Variants in TNIK observed in about 807,000 individuals in gnomAD.
TNIK encodes TRAF2 and NCK interacting kinase.
Under a neutral mutation model 191.3 loss-of-function variants are expected in TNIK, and 49 were observed. The ratio of observed to expected loss-of-function variants is 0.26; its 90% confidence interval spans 0.20 to 0.32. The LOEUF is 0.32. Among genes scored for constraint, TNIK ranks in the 10% least tolerant of loss-of-function variants. The probability of loss-of-function intolerance (pLI) is 1.00; values close to 1 mark genes in which losing one functional copy is unlikely to be tolerated. For missense variants in TNIK, 1,155 were observed against 1,702.3 expected (o/e 0.68, Z 5.66); for synonymous variants, 594 against 600.9 (o/e 0.99, Z 0.17).
intron 2 of TNIK, among the ~76,000 whole-genome samples, chr3:171,367,342 G>A (rs1194014000): frequency 6.6e-6 from 1 of 152,076 alleles, no homozygotes; most frequent in Non-Finnish European, 1.5e-5. Context: ...GTGGCCTCAG[G>A]AAACACAGGG....
chr3:171,404,147 T>C (rs1721354609), intron 1 of TNIK, among the ~76,000 whole-genome samples: 1 of 152,222 alleles, frequency 6.6e-6, no homozygotes. Context: ...ATCAGATGTA[T>C]TAACAAGTTG....
chr3:171,157,382 G>T (rs1733333102), intron 12 of TNIK, 78 bp downstream of exon 12: 5 of 1,501,344 alleles, frequency 3.3e-6, no homozygotes, highest in South Asian at 1.3e-5. Context: ...CAGGTGGGAT[G>T]TGGGCCCCCA....
At position 171,322,687 on chromosome 3, in the gene TNIK, A is replaced by G. The variant is rs139982199; in HGVS notation, c.123+46933T>C. On this transcript the variant is annotated intron_variant, in intron 2 of 32. Coordinates refer to ENST00000436636, the MANE Select transcript of TNIK (RefSeq NM_015028.4). The stretch of plus-strand genomic sequence containing the variant: ...ACAGAAAAACACAAAATGGTGTAAA[A>G]ATAAGCCACTAAGAAAAGGCTCTAT... Among the ~76,000 whole-genome samples, 492 of 152,288 alleles carry G rather than the reference A, an allele frequency of 3.2e-3. 2 individuals are homozygous for G. Among genetic ancestry groups the G allele is most frequent in the African/African-American group, 0.011 (472 of 41,552 alleles).
intron 26 of TNIK, 135 bp from the exon 27 acceptor site, chr3:171,082,529 G>A (rs1168757039): frequency 4.3e-6 from 4 of 933,108 alleles, no homozygotes; most frequent in Non-Finnish European, 6.2e-6. Flanking sequence ...ATAAACTAAT[G>A]AATGTAGAAG....
At chr3:171,100,852 A>G (rs1723426133) in intron 22 of TNIK, among the ~76,000 whole-genome samples, 1 of 152,150 alleles carries the variant, frequency 6.6e-6, no homozygotes. Context: ...GACTGACAGT[A>G]TGTGGCAAAG....
At chr3:171,459,007 G>A (rs1729089056) in intron 1 of TNIK, among the ~76,000 whole-genome samples, 1 of 152,150 alleles carries the variant, frequency 6.6e-6, no homozygotes, top group Non-Finnish European at 1.5e-5. Context: ...TGTTGGGATC[G>A]GGAGTTGGGG....
intron 3 of TNIK, among the ~76,000 whole-genome samples, chr3:171,222,491 A>G (rs1459280224): frequency 6.6e-6 from 1 of 152,158 alleles, no homozygotes; most frequent in East Asian, 1.9e-4. Flanking sequence ...CATTATTATT[A>G]TTAACAATAT....
intron 1 of TNIK, among the ~76,000 whole-genome samples, chr3:171,404,737 G>A (rs79155796): frequency 6.6e-6 from 1 of 152,144 alleles, no homozygotes; most frequent in South Asian, 2.1e-4. Context: ...TTCACAGATA[G>A]GGAGTCTAAA....
intron 7 of TNIK, among the ~76,000 whole-genome samples, chr3:171,187,887 G>A (rs1737561245): frequency 1.3e-5 from 2 of 152,078 alleles, no homozygotes; most frequent in South Asian, 4.2e-4. Context: ...AAGACCACAG[G>A]GTGTCTCTCT....
chr3:171,345,139 T>C (rs1203259885), intron 2 of TNIK, among the ~76,000 whole-genome samples: 1 of 152,228 alleles, frequency 6.6e-6, no homozygotes, highest in Non-Finnish European at 1.5e-5. Flanking sequence ...ACACAACTAC[T>C]GCTTCCATTT....
chr3:171,347,016 C>T (rs1320018687), intron 2 of TNIK: 5 of 914,210 alleles, frequency 5.5e-6, no homozygotes, highest in African/African-American at 5.1e-5. Flanking sequence ...AAGGGACAGT[C>T]CTGCAGGCGT....
chr3:171,339,482 G>A lies in TNIK; in HGVS notation c.123+30138C>T, dbSNP rs1757301195. Among the ~76,000 whole-genome samples the A allele has an allele frequency of 2.6e-5, 4 of 152,196 alleles. No individual in the cohort carries two copies. In the South Asian group the frequency reaches 8.3e-4, roughly 32 times the overall value. ...TTCGCTTTTGTCAGTCCCCATCCAT[G>A]GAAGCTTTTCGTCATTAGAATATGC... is the stretch of plus-strand genomic sequence containing the variant. On this transcript the variant is annotated intron_variant, in intron 2 of 32. Coordinates refer to ENST00000436636, the MANE Select transcript of TNIK (RefSeq NM_015028.4).
chr3:171,425,909 G>C (rs1198989138), intron 1 of TNIK, among the ~76,000 whole-genome samples: 1 of 151,920 alleles, frequency 6.6e-6, no homozygotes, highest in East Asian at 1.9e-4. Context: ...ATCTTGGACA[G>C]CGCTGGAGAG....
chr3:171,184,174 A>G (rs1737074272), intron 7 of TNIK, among the ~76,000 whole-genome samples: 1 of 152,130 alleles, frequency 6.6e-6, no homozygotes, highest in Admixed American at 6.5e-5. Context: ...TGCAAATAGG[A>G]GGCAAAGTCT....
At chr3:171,116,337 T>C (rs532079539) in intron 18 of TNIK, among the ~76,000 whole-genome samples, 1 of 152,360 alleles carries the variant, frequency 6.6e-6, no homozygotes, top group South Asian at 2.1e-4. Flanking sequence ...CAGATCCGAA[T>C]GTGTAAAAAC....
At chr3:171,103,907 A>T (rs1015783223) in intron 21 of TNIK, among the ~76,000 whole-genome samples, 2 of 152,066 alleles carry the variant, frequency 1.3e-5, no homozygotes, top group Admixed American at 1.3e-4. Context: ...CTACTGATTT[A>T]AAAAAACTTT....
At chr3:171,123,140 A>T (rs1576888864) in intron 18 of TNIK, among the ~76,000 whole-genome samples, 1 of 152,200 alleles carries the variant, frequency 6.6e-6, no homozygotes, top group Admixed American at 6.5e-5. Context: ...GATGGTCACT[A>T]TTTCCATGGT....
chr3:171,277,313 T>C (rs369966990), intron 2 of TNIK, among the ~76,000 whole-genome samples: 3 of 152,308 alleles, frequency 2.0e-5, no homozygotes, highest in African/African-American at 7.2e-5. Context: ...CATTCTGTTA[T>C]AGCAGCACAA....
At chr3:171,427,744 C>T (rs1450628475) in intron 1 of TNIK, among the ~76,000 whole-genome samples, 1 of 152,146 alleles carries the variant, frequency 6.6e-6, no homozygotes, top group African/African-American at 2.4e-5. Flanking sequence ...AGATGGCTCA[C>T]CCTTGTGAAG....
Sources: gnomAD v4.1 joint callset for allele counts (sites outside exome capture counted in the v4.1 genomes callset) on GRCh38, gnomAD v4.1.1 for gene constraint, MANE v1.5 for transcripts, NCBI Gene and HGNC (gene_info 2026-07-23, HGNC 2026-07-21) for gene names.